LGR4: variants seen among roughly 807,000 people sequenced by gnomAD.
LGR4 encodes leucine-rich repeat-containing G protein-coupled receptor 4.
Under a neutral mutation model 84.8 loss-of-function variants are expected in LGR4, and 44 were observed. That is an observed-to-expected ratio of 0.52 (90% confidence interval 0.41 to 0.67). The LOEUF is 0.67. Among genes scored for constraint, LGR4 ranks in the 30% least tolerant of loss-of-function variants. The pLI is 0.00. For synonymous variants in LGR4, 429 were observed against 434.3 expected (o/e 0.99, Z 0.15); for missense variants, 1,032 against 1,131.4 (o/e 0.91, Z 1.26).
chr11:27,402,076 C>T (rs35533706), intron 2 of LGR4, among the ~76,000 whole-genome samples: 1,729 of 152,230 alleles, frequency 0.011, 30 homozygotes, highest in African/African-American at 0.04. Context: ...TGGTTGCCCA[C>T]CTAACACCCA....
intron 6 of LGR4, among the ~76,000 whole-genome samples, chr11:27,383,329 T>C (rs1261784944): frequency 6.6e-6 from 1 of 152,138 alleles, no homozygotes; most frequent in Non-Finnish European, 1.5e-5. Flanking sequence ...GAAGAAACAA[T>C]GGCAAATAAA....
intron 1 of LGR4, among the ~76,000 whole-genome samples, chr11:27,436,516 G>A (rs1018735613): frequency 3.3e-5 from 5 of 152,008 alleles, no homozygotes; most frequent in Non-Finnish European, 7.4e-5. Context: ...TAAATTATAA[G>A]GATGGATGTT....
intron 2 of LGR4, among the ~76,000 whole-genome samples, chr11:27,397,758 A>G (rs575115476): frequency 6.6e-6 from 1 of 152,346 alleles, no homozygotes; most frequent in South Asian, 2.1e-4. Flanking sequence ...CCACAGTAGT[A>G]TCTCAACACA....
chr11:27,451,569 CA>C (rs1864481061), intron 1 of LGR4, among the ~76,000 whole-genome samples: 1 of 152,208 alleles, frequency 6.6e-6, no homozygotes, highest in Non-Finnish European at 1.5e-5. Context: ...AGCCCATCTA[CA>C]AGACTCATGA....
At chr11:27,410,339 A>G (rs1863686863) in intron 2 of LGR4, among the ~76,000 whole-genome samples, 1 of 152,136 alleles carries the variant, frequency 6.6e-6, no homozygotes, top group Non-Finnish European at 1.5e-5. Context: ...ATTTCTCCCA[A>G]TACCCCAAGC....
At position 27,472,089 on chromosome 11, in the gene LGR4, C is replaced by T. The variant is rs774513168; in HGVS notation, c.185+29G>A. 92 of 1,284,826 alleles carry T rather than the reference C, an allele frequency of 7.2e-5. 2 individuals are homozygous for T. The highest frequency in any genetic ancestry group is 3.8e-4 in the South Asian group (17 of 45,160). 79.6% of individuals were successfully genotyped at this position (1,284,826 alleles called of 1,614,324 possible). A position where few individuals can be genotyped will look rare whatever the true frequency, so the allele number is the denominator to read the frequency against. The stretch of plus-strand genomic sequence containing the variant: ...CCCGCTGGGCCCCGTTTCCTCCCCC[C>T]CCCTCGCGTCCCCGCCGCCCGCACT... On this transcript the variant is annotated intron_variant, in intron 1 of 17. Transcript: ENST00000379214.
intron 2 of LGR4, among the ~76,000 whole-genome samples, chr11:27,407,717 A>T (rs886712995): frequency 1.4e-4 from 21 of 152,132 alleles, no homozygotes; most frequent in Non-Finnish European, 2.6e-4. Context: ...AGCTGTTGAA[A>T]TTTGAATAAG....
chr11:27,394,425 C>A (rs536446451), intron 2 of LGR4, among the ~76,000 whole-genome samples: 1 of 152,044 alleles, frequency 6.6e-6, no homozygotes, highest in Non-Finnish European at 1.5e-5. Flanking sequence ...TTTTTTGAGA[C>A]GGAGTCTCAC....
intron 1 of LGR4, among the ~76,000 whole-genome samples, chr11:27,436,424 A>G (rs1213504258): frequency 6.6e-6 from 1 of 151,994 alleles, no homozygotes; most frequent in Non-Finnish European, 1.5e-5. Flanking sequence ...GAAGGAAGGA[A>G]AGAAACTGTC....
chr11:27,428,943 G>A (rs1260868487), intron 1 of LGR4, among the ~76,000 whole-genome samples: 6 of 152,112 alleles, frequency 3.9e-5, no homozygotes, highest in Non-Finnish European at 8.8e-5. Flanking sequence ...GAGTGATGCT[G>A]CTGTCACCTG....
intron 1 of LGR4, among the ~76,000 whole-genome samples, chr11:27,438,008 T>C (rs573871077): frequency 1.3e-5 from 2 of 151,428 alleles, no homozygotes; most frequent in Non-Finnish European, 2.9e-5. Context: ...ACAGCAAGAC[T>C]CTCCACCCGC....
chr11:27,467,712 C>T (rs1864804769), intron 1 of LGR4, among the ~76,000 whole-genome samples: 1 of 152,168 alleles, frequency 6.6e-6, no homozygotes, highest in African/African-American at 2.4e-5. Context: ...CAAGGTCACT[C>T]CTGTGAATTA....
chr11:27,430,912 C>G (rs1013337431), intron 1 of LGR4, among the ~76,000 whole-genome samples: 3 of 151,972 alleles, frequency 2.0e-5, no homozygotes, highest in African/African-American at 7.3e-5. Flanking sequence ...CCCCAACCCC[C>G]ACAAGCACGC....
chr11:27,451,574 C>T (rs1369642705), intron 1 of LGR4, among the ~76,000 whole-genome samples: 1 of 152,180 alleles, frequency 6.6e-6, no homozygotes, highest in East Asian at 1.9e-4. Context: ...ATCTACAAGA[C>T]TCATGAAAGG....
chr11:27,369,568 C>A (rs1418762359), intron 17 of LGR4, among the ~76,000 whole-genome samples: 1 of 152,058 alleles, frequency 6.6e-6, no homozygotes, highest in Non-Finnish European at 1.5e-5. Context: ...TAAATTTTAA[C>A]CTGTATTCAT....
intron 1 of LGR4, among the ~76,000 whole-genome samples, chr11:27,416,069 T>C (rs1301426568): frequency 6.6e-6 from 1 of 152,120 alleles, no homozygotes; most frequent in Non-Finnish European, 1.5e-5. Context: ...TCCTACAGAT[T>C]AGTACCTTCA....
intron 1 of LGR4, among the ~76,000 whole-genome samples, chr11:27,470,713 G>GAAAA (rs35698854): frequency 7.5e-6 from 1 of 134,214 alleles, no homozygotes; most frequent in Non-Finnish European, 1.6e-5. Context: ...TCACTATACT[G>GAAAA]AAAAAAAAAA....
At chr11:27,439,797 G>GT (rs1270384730) in intron 1 of LGR4, among the ~76,000 whole-genome samples, 1 of 151,980 alleles carries the variant, frequency 6.6e-6, no homozygotes, top group Non-Finnish European at 1.5e-5. Flanking sequence ...GAAGCAGGTA[G>GT]TGAGCGAATA....
chr11:27,399,814 C>T (rs960752561), intron 2 of LGR4, among the ~76,000 whole-genome samples: 10 of 152,128 alleles, frequency 6.6e-5, no homozygotes, highest in African/African-American at 1.4e-4. Flanking sequence ...CCACCGCACC[C>T]GGCTGGCAAC....
Sources: allele counts gnomAD v4.1 joint callset (sites outside exome capture counted in the v4.1 genomes callset), GRCh38; gene constraint gnomAD v4.1.1; transcripts MANE v1.5; gene names NCBI Gene and HGNC (gene_info 2026-07-23, HGNC 2026-07-21).